The following ROBO1 variants were observed in gnomAD, a reference collection of about 807,000 sequenced individuals.
The protein encoded by ROBO1 is roundabout guidance receptor 1.
Under a neutral mutation model 195.9 loss-of-function variants are expected in ROBO1, and 149 were observed. The ratio of observed to expected loss-of-function variants is 0.76; its 90% confidence interval spans 0.67 to 0.87. The LOEUF (loss-of-function observed/expected upper bound fraction) is 0.87. Among genes scored for constraint, ROBO1 ranks in the 40% least tolerant of loss-of-function variants. The pLI, the probability that ROBO1 is intolerant of heterozygous loss-of-function variation, is 0.00. For missense variants in ROBO1, 1,933 were observed against 2,068.3 expected, an observed-to-expected ratio of 0.93 and a Z score of 1.27; for synonymous variants, 816 against 733.2, an observed-to-expected ratio of 1.11 and a Z score of -1.82.
chr3:79,718,752 G>A (rs1186678754), intron 1 of ROBO1, among the ~76,000 whole-genome samples: 2 of 151,874 alleles, frequency 1.3e-5, no homozygotes, highest in Non-Finnish European at 2.9e-5. Flanking sequence ...TTCTTATTAA[G>A]CAATAAAAAG....
At chr3:78,923,074 T>C (rs956618945) in intron 4 of ROBO1, among the ~76,000 whole-genome samples, 2 of 152,180 alleles carry the variant, frequency 1.3e-5, no homozygotes, top group Non-Finnish European at 2.9e-5. Flanking sequence ...TATGCAATTA[T>C]TAAGCAAGAT....
chr3:79,685,581 G>A (rs1051740134), intron 1 of ROBO1, among the ~76,000 whole-genome samples: 1 of 152,140 alleles, frequency 6.6e-6, no homozygotes, highest in African/African-American at 2.4e-5. Context: ...CCAGAAAACT[G>A]CCAAACAGGG....
At chr3:79,175,724 C>T (rs1042241878) in intron 2 of ROBO1, among the ~76,000 whole-genome samples, 5 of 152,116 alleles carry the variant, frequency 3.3e-5, no homozygotes, top group Admixed American at 3.3e-4. Flanking sequence ...CATATTTGGC[C>T]ATGTGACATA....
At chr3:78,599,654 T>G (rs994144498) in intron 30 of ROBO1, among the ~76,000 whole-genome samples, 1 of 152,126 alleles carries the variant, frequency 6.6e-6, no homozygotes, top group African/African-American at 2.4e-5. Flanking sequence ...TGTCACAGAC[T>G]AGGCATACAC....
chr3:79,146,505 G>A (rs562264577), intron 2 of ROBO1, among the ~76,000 whole-genome samples: 6 of 151,860 alleles, frequency 4.0e-5, no homozygotes, highest in Admixed American at 3.9e-4. Flanking sequence ...TCTCTAATGT[G>A]TATGTATATA....
At chr3:79,097,389 G>A (rs1234116554) in intron 3 of ROBO1, among the ~76,000 whole-genome samples, 1 of 151,734 alleles carries the variant, frequency 6.6e-6, no homozygotes, top group Admixed American at 6.6e-5. Flanking sequence ...AGAATGCTGG[G>A]TTTTTCAATG....
At chr3:78,824,172 G>A (rs780781430) in intron 4 of ROBO1, among the ~76,000 whole-genome samples, 17 of 152,242 alleles carry the variant, frequency 1.1e-4, no homozygotes, top group Non-Finnish European at 2.1e-4. Flanking sequence ...CTATGAGCAC[G>A]ACATGTGAGT....
chr3:78,866,160 C>A (rs935739618), intron 4 of ROBO1, among the ~76,000 whole-genome samples: 4 of 152,104 alleles, frequency 2.6e-5, no homozygotes, highest in Non-Finnish European at 4.4e-5. Context: ...TTGTAATTGT[C>A]AGTCTGCTTA....
At chr3:79,450,093 G>C (rs1310696339) in intron 2 of ROBO1, among the ~76,000 whole-genome samples, 2 of 145,640 alleles carry the variant, frequency 1.4e-5, no homozygotes, top group Non-Finnish European at 3.0e-5. Context: ...CTTAGCAATG[G>C]ATTTGTCACT....
chr3:78,598,975 A>C lies in ROBO1; in HGVS notation c.4942-48T>G, dbSNP rs374759268. 2.6e-6 allele frequency: 3 copies of C among 1,167,652 alleles called. No homozygotes were observed. The South Asian group carries it at 4.8e-5, about 19-fold the overall frequency. 72.3% of individuals were successfully genotyped at this position (1,167,652 alleles called of 1,614,324 possible). The stretch of plus-strand genomic sequence containing the variant: ...ACATTTGAAAATAAATCTTAAGAGG[A>C]TTGTGTTATATTTATTTATATGCAT... On this transcript the variant is annotated intron_variant, in intron 30 of 30. Transcript: ENST00000464233.
At chr3:79,143,668 GT>G (rs879663615) in intron 2 of ROBO1, among the ~76,000 whole-genome samples, 2 of 151,940 alleles carry the variant, frequency 1.3e-5, no homozygotes, top group Non-Finnish European at 2.9e-5. Context: ...ATAATAGCAG[GT>G]TCATGTGCAT....
intron 1 of ROBO1, among the ~76,000 whole-genome samples, chr3:79,696,318 T>C (rs544934109): frequency 9.3e-5 from 14 of 151,246 alleles, no homozygotes; most frequent in Admixed American, 2.7e-4. Flanking sequence ...TGCTCTATTG[T>C]AATATTAAAC....
chr3:79,725,456 G>T (rs542350198), intron 1 of ROBO1, among the ~76,000 whole-genome samples: 2 of 151,970 alleles, frequency 1.3e-5, no homozygotes, highest in Admixed American at 6.5e-5. Context: ...TCGATCTCCT[G>T]ACCTCGTGAT....
intron 2 of ROBO1, among the ~76,000 whole-genome samples, chr3:79,503,476 G>A (rs1940224528): frequency 1.3e-5 from 2 of 152,172 alleles, no homozygotes; most frequent in Non-Finnish European, 2.9e-5. Context: ...CAAGCACAAT[G>A]TTATGAAGTG....
At chr3:79,123,043 G>A (rs1384311444) in intron 3 of ROBO1, among the ~76,000 whole-genome samples, 4 of 151,896 alleles carry the variant, frequency 2.6e-5, no homozygotes, top group Admixed American at 2.0e-4. Context: ...TGTTAACATC[G>A]TTTTGTAACT....
At chr3:79,354,639 C>A (rs2035473368) in intron 2 of ROBO1, among the ~76,000 whole-genome samples, 1 of 152,104 alleles carries the variant, frequency 6.6e-6, no homozygotes, top group Non-Finnish European at 1.5e-5. Context: ...ACTGGCCAAC[C>A]TTTTATAGAT....
chr3:79,196,207 T>G (rs1039883703), intron 2 of ROBO1, among the ~76,000 whole-genome samples: 1 of 151,382 alleles, frequency 6.6e-6, no homozygotes, highest in Non-Finnish European at 1.5e-5. Context: ...TCCAAGAGAC[T>G]TGGTGGTTTT....
At chr3:79,002,304 C>A (rs917088025) in intron 3 of ROBO1, among the ~76,000 whole-genome samples, 8 of 152,086 alleles carry the variant, frequency 5.3e-5, no homozygotes, top group Non-Finnish European at 1.0e-4. Context: ...CCTCTCCCTA[C>A]CTTCTTCAAA....
intron 1 of ROBO1, among the ~76,000 whole-genome samples, chr3:79,727,032 C>A (rs924523942): frequency 6.6e-6 from 1 of 152,124 alleles, no homozygotes; most frequent in African/African-American, 2.4e-5. Context: ...CTGTAAATGA[C>A]CTGTCATTAA....
Sources: allele counts gnomAD v4.1 joint callset (sites outside exome capture counted in the v4.1 genomes callset), GRCh38; gene constraint gnomAD v4.1.1; transcripts MANE v1.5; gene names NCBI Gene and HGNC (gene_info 2026-07-23, HGNC 2026-07-21).